The following CYRIB variants were observed in gnomAD, a reference collection of about 807,000 sequenced individuals.
CYRIB encodes the protein CYFIP related Rac1 interactor B, also known as CYFIP-related Rac1 interactor B.
A neutral mutation model predicts 44.2 loss-of-function variants in CYRIB; 8 were observed. The ratio of observed to expected loss-of-function variants is 0.18; its 90% confidence interval spans 0.11 to 0.33. The LOEUF (loss-of-function observed/expected upper bound fraction) is 0.33, where lower values mean the gene tolerates loss of function less well. Among genes scored for constraint, CYRIB ranks in the 10% least tolerant of loss-of-function variants. CYRIB has a pLI of 1.00. For missense variants in CYRIB, 185 were observed against 382.8 expected (o/e 0.48, Z 4.31); for synonymous variants, 131 against 127.2 (o/e 1.03, Z -0.20).
intron 1 of CYRIB, among the ~76,000 whole-genome samples, chr8:130,013,383 C>T (rs938887827): frequency 6.6e-6 from 1 of 152,128 alleles, no homozygotes; most frequent in Admixed American, 6.6e-5. Context: ...TACTCAGGAG[C>T]CCTGGGAGAC....
In CYRIB at chr8:129,846,473, T is replaced by C. The variant is rs574214062; in HGVS notation, c.911+331A>G. Among the ~76,000 whole-genome samples, 5 of 152,374 alleles carry C rather than the reference T, an allele frequency of 3.3e-5. No individual in the cohort carries two copies. In the East Asian group the frequency reaches 9.6e-4, roughly 29 times the overall value. ...ATTTCTTTTTATTTACATTTTCTTA[T>C]GTTTTCTGAATTTTATTTATAACTG... On this transcript the variant is annotated intron_variant, in intron 11 of 11. Transcript: ENST00000519824.
At chr8:129,865,831 G>A (rs969692481) in intron 4 of CYRIB, among the ~76,000 whole-genome samples, 5 of 152,190 alleles carry the variant, frequency 3.3e-5, no homozygotes, top group African/African-American at 1.2e-4. Context: ...GCTAGGATGG[G>A]AAGCCAGTAA....
Position 129,907,871 on chromosome 8 carries a change from G to A in CYRIB, c.-49-4521C>T, listed in dbSNP as rs193055380. On this transcript the variant is annotated intron_variant, in intron 1 of 11. Transcript: ENST00000519824. The stretch of plus-strand genomic sequence containing the variant: ...ACAAAAATCAACCAGGCATGGTGGT[G>A]CATGCCTGTAATCTCAGCTACTCGG... 4.4e-3 allele frequency among the ~76,000 whole-genome samples: 664 copies of A among 152,250 alleles called. 1 individual carries two copies. The highest frequency in any genetic ancestry group is 5.6e-3 in the Non-Finnish European group (383 of 68,000).
chr8:129,939,716 A>AGCG (rs2093470194), exon 1 of CYRIB: 1 of 151,680 alleles, frequency 6.6e-6, no homozygotes, highest in Non-Finnish European at 1.5e-5. Flanking sequence ...GGAGCGGGGG[A>AGCG]GCGGCGGCAG....
intron 1 of CYRIB, among the ~76,000 whole-genome samples, chr8:130,008,175 C>T (rs2097147655): frequency 6.6e-6 from 1 of 152,174 alleles, no homozygotes; most frequent in Non-Finnish European, 1.5e-5. Flanking sequence ...TGCCACTGCA[C>T]TCCAGCCTGG....
At chr8:129,881,455 T>A (rs531436385) in intron 2 of CYRIB, among the ~76,000 whole-genome samples, 21 of 152,302 alleles carry the variant, frequency 1.4e-4, no homozygotes, top group African/African-American at 4.6e-4. Context: ...TATAAGAAGC[T>A]TGAAAAAAGT....
At chr8:130,012,380 A>G (rs1194386897) in intron 1 of CYRIB, among the ~76,000 whole-genome samples, 1 of 152,212 alleles carries the variant, frequency 6.6e-6, no homozygotes, top group Admixed American at 6.5e-5. Flanking sequence ...TTAATCCAGG[A>G]ATGACCTGCC....
chr8:129,855,560 A>G (rs760828993), intron 6 of CYRIB, 51 bp downstream of exon 8: 2 of 1,594,788 alleles, frequency 1.3e-6, no homozygotes, highest in Admixed American at 3.3e-5. Context: ...CCTAGTACTC[A>G]TTAAAAGATT....
chr8:129,941,409 G>A (rs2093692261), upstream of CYRIB, among the ~76,000 whole-genome samples: 1 of 151,750 alleles, frequency 6.6e-6, no homozygotes, highest in Non-Finnish European at 1.5e-5. Context: ...AAGTAGCTGG[G>A]ATTACAGGTG....
chr8:129,872,525 G>T (rs1230500421), intron 3 of CYRIB, among the ~76,000 whole-genome samples: 1 of 152,042 alleles, frequency 6.6e-6, no homozygotes, highest in Admixed American at 6.5e-5. Context: ...GAAAAAGGTG[G>T]ACTCTAAGAG....
At chr8:129,895,175 T>G (rs1047639912) in intron 2 of CYRIB, among the ~76,000 whole-genome samples, 5 of 148,528 alleles carry the variant, frequency 3.4e-5, no homozygotes, top group African/African-American at 1.2e-4. Flanking sequence ...TTGTTGTTTG[T>G]TTTTTTTTGT....
chr8:130,008,910 T>C (rs1813100066), intron 1 of CYRIB, among the ~76,000 whole-genome samples: 1 of 152,240 alleles, frequency 6.6e-6, no homozygotes, highest in African/African-American at 2.4e-5. Context: ...AAGCTGGGGC[T>C]GGTGAAGAAA....
chr8:130,002,660 G>A (rs2096934119), intron 1 of CYRIB, among the ~76,000 whole-genome samples: 1 of 152,204 alleles, frequency 6.6e-6, no homozygotes, highest in African/African-American at 2.4e-5. Context: ...AATGACAGAT[G>A]GTTTTCTAAG....
chr8:129,941,463 G>T (rs941377193), upstream of CYRIB, among the ~76,000 whole-genome samples: 26 of 151,756 alleles, frequency 1.7e-4, no homozygotes, highest in African/African-American at 6.3e-4. Context: ...TAGTAGAGAC[G>T]GGGTTTCACC....
chr8:129,941,956 G>A (rs986039296), upstream of CYRIB, among the ~76,000 whole-genome samples: 7 of 152,140 alleles, frequency 4.6e-5, no homozygotes, highest in African/African-American at 1.7e-4. Context: ...TCCACTGGTC[G>A]TAATTTTCTC....
intron 2 of CYRIB, among the ~76,000 whole-genome samples, chr8:129,954,949 A>C (rs2094714179): frequency 6.6e-6 from 1 of 152,130 alleles, no homozygotes; most frequent in Admixed American, 6.6e-5. Flanking sequence ...CCATTGCAAA[A>C]TGTTAGAAGA....
At chr8:129,892,913 T>C (rs569054407) in intron 2 of CYRIB, among the ~76,000 whole-genome samples, 9 of 152,324 alleles carry the variant, frequency 5.9e-5, no homozygotes, top group East Asian at 5.8e-4. Flanking sequence ...AATCATAGGA[T>C]TGGGCAACTT....
intron 2 of CYRIB, among the ~76,000 whole-genome samples, chr8:129,902,331 G>A (rs540140865): frequency 2.0e-5 from 3 of 152,090 alleles, no homozygotes; most frequent in South Asian, 2.1e-4. Context: ...CAATTCTCCC[G>A]CCTCAGCCAC....
chr8:129,940,063 G>GC (rs2093558263), upstream of CYRIB: 1 of 152,424 alleles, frequency 6.6e-6, no homozygotes, highest in African/African-American at 2.4e-5. Context: ...CCTTAAAGGG[G>GC]CAGCACCTTC....
Sources: gnomAD v4.1 joint callset for allele counts (sites outside exome capture counted in the v4.1 genomes callset) on GRCh38, gnomAD v4.1.1 for gene constraint, MANE v1.5 for transcripts, NCBI Gene and HGNC (gene_info 2026-07-23, HGNC 2026-07-21) for gene names.